Variants in KMO observed in about 807,000 individuals in gnomAD.
KMO encodes the protein kynurenine 3-hydroxylase.
KMO carries 24 observed loss-of-function variants against 57.8 expected under a neutral mutation model. That is an observed-to-expected ratio of 0.42 (90% CI 0.30 to 0.58). The LOEUF is 0.58. Among genes scored for constraint, KMO ranks in the 20% least tolerant of loss-of-function variants. The pLI, the probability that KMO is intolerant of heterozygous loss-of-function variation, is 0.22. For synonymous variants in KMO, 210 were observed against 193.6 expected, an observed-to-expected ratio of 1.08 and a Z score of -0.70; for missense variants, 483 against 588.2, an observed-to-expected ratio of 0.82 and a Z score of 1.85.
chr1:241,585,007 CTTGAGGT>C (rs1270696870), intron 10 of KMO, among the ~76,000 whole-genome samples: 1 of 151,984 alleles, frequency 6.6e-6, no homozygotes, highest in Admixed American at 6.6e-5. Flanking sequence ...AGGTGGATCA[CTTGAGGT>C]CAGGAGGTTG....
chr1:241,534,351 G>A (rs1660682320), intron 1 of KMO, among the ~76,000 whole-genome samples: 1 of 152,252 alleles, frequency 6.6e-6, no homozygotes, highest in Admixed American at 6.5e-5. Flanking sequence ...ATGGTTTTGG[G>A]GGGCATAAAA....
rs377567205 is a variant in KMO at position 241,562,701 on chromosome 1, A to G, written c.615+369A>G. ...TAAAAAATACAAAAATTAGCCAGGG[A>G]TGTGGCACACGCCTGTGGTCCCAGC... On this transcript the variant is annotated intron_variant, in intron 7 of 14. Coordinates refer to ENST00000366559, the MANE Select transcript of KMO (RefSeq NM_003679.5). 4.7e-4 allele frequency among the ~76,000 whole-genome samples: 71 copies of G among 152,138 alleles called. 1 individual carries two copies. In the South Asian group the frequency reaches 0.014, roughly 29 times the overall value.
chr1:241,551,185 C>T (rs575607324), intron 4 of KMO, 141 bp downstream of exon 4: 1 of 575,636 alleles, frequency 1.7e-6, no homozygotes, highest in Non-Finnish European at 3.1e-6. Flanking sequence ...AATACAGATA[C>T]TAGTTGGCAA....
At chr1:241,548,785 A>AT in intron 1 of KMO, 44 bp from the exon 2 acceptor site, 1 of 1,222,460 alleles carries the variant, frequency 8.2e-7, no homozygotes, top group South Asian at 1.2e-5. Context: ...AATTCCCTAT[A>AT]TTTGTGGAAT....
chr1:241,562,426 T>G, intron 7 of KMO, 94 bp downstream of exon 7: 1 of 1,271,574 alleles, frequency 7.9e-7, no homozygotes, highest in Non-Finnish European at 1.1e-6. Context: ...CAGCATGTCT[T>G]GATCCATTTT....
chr1:241,562,620 G>A (rs767432088), intron 7 of KMO, among the ~76,000 whole-genome samples: 2 of 152,080 alleles, frequency 1.3e-5, no homozygotes, highest in Non-Finnish European at 2.9e-5. Flanking sequence ...CAGGAGGATC[G>A]CTTGAACCCA....
intron 8 of KMO, among the ~76,000 whole-genome samples, chr1:241,566,164 C>T (rs1662068441): frequency 6.6e-6 from 1 of 152,126 alleles, no homozygotes; most frequent in Admixed American, 6.5e-5. Flanking sequence ...TGAGATTGCC[C>T]CACAGCACTC....
At chr1:241,588,905 T>G (rs1663133230) in intron 12 of KMO, 75 bp downstream of exon 12, 1 of 1,100,862 alleles carries the variant, frequency 9.1e-7, no homozygotes, top group Non-Finnish European at 1.4e-6. Context: ...TCTTTTTCTT[T>G]GCTTCAGCCC....
chr1:241,570,009 T>G (rs1662218366), intron 10 of KMO, among the ~76,000 whole-genome samples: 1 of 152,054 alleles, frequency 6.6e-6, no homozygotes, highest in Admixed American at 6.5e-5. Flanking sequence ...AATAATCAGG[T>G]ATTATCTTCT....
At chr1:241,552,788 C>T (rs905855295) in intron 4 of KMO, among the ~76,000 whole-genome samples, 1 of 151,764 alleles carries the variant, frequency 6.6e-6, no homozygotes, top group Non-Finnish European at 1.5e-5. Context: ...CCCTGGCCTC[C>T]CTCCTTCAGC....
chr1:241,560,575 G>A (rs1661798681), intron 5 of KMO, 90 bp from the exon 6 acceptor site: 5 of 930,606 alleles, frequency 5.4e-6, no homozygotes, highest in Non-Finnish European at 8.8e-6. Flanking sequence ...CTACCATACT[G>A]TTCCCAGAAA....
chr1:241,578,120 T>C (rs1662601335), intron 10 of KMO, among the ~76,000 whole-genome samples: 1 of 152,120 alleles, frequency 6.6e-6, no homozygotes, highest in South Asian at 2.1e-4. Flanking sequence ...CCTGAAGTGT[T>C]CCTGAATGGC....
At chr1:241,554,861 A>T (rs1339106000) in intron 4 of KMO, among the ~76,000 whole-genome samples, 1 of 151,584 alleles carries the variant, frequency 6.6e-6, no homozygotes, top group East Asian at 2.0e-4. Context: ...AGGCACCTGT[A>T]ATCCCAGCTA....
intron 5 of KMO, among the ~76,000 whole-genome samples, chr1:241,557,047 A>G (rs1346845901): frequency 1.3e-5 from 2 of 151,152 alleles, no homozygotes; most frequent in Non-Finnish European, 2.9e-5. Context: ...ATGTGGCTGG[A>G]GAGTAGAGTG....
chr1:241,534,902 C>T (rs536226285), intron 1 of KMO, among the ~76,000 whole-genome samples: 1 of 152,134 alleles, frequency 6.6e-6, no homozygotes, highest in Admixed American at 6.6e-5. Context: ...GCCTTTCTGG[C>T]TTCACCCCTT....
intron 7 of KMO, among the ~76,000 whole-genome samples, chr1:241,564,522 T>C (rs1662002039): frequency 6.6e-6 from 1 of 151,908 alleles, no homozygotes; most frequent in Non-Finnish European, 1.5e-5. Context: ...TTTTGTCCAG[T>C]ATAGATAAGT....
chr1:241,540,027 G>A (rs889076084), intron 1 of KMO, among the ~76,000 whole-genome samples: 2 of 152,128 alleles, frequency 1.3e-5, no homozygotes. Flanking sequence ...TTTTGACGTG[G>A]AAATGTATTT....
At chr1:241,553,170 TG>T (rs1375027398) in intron 4 of KMO, among the ~76,000 whole-genome samples, 2 of 152,228 alleles carry the variant, frequency 1.3e-5, no homozygotes, top group Non-Finnish European at 2.9e-5. Flanking sequence ...GCGCTTGACT[TG>T]TTTATTCTTA....
At position 241,594,786 on chromosome 1, in the gene KMO, G is replaced by T; in HGVS notation, c.*2633G>T. On this transcript the variant is annotated 3_prime_UTR_variant, in exon 15 of 15. Transcript: ENST00000366559. The stretch of plus-strand genomic sequence containing the variant: ...AAATCAGTTGAGCTGAATTTAAGTT[G>T]TTTTTTGTTTGTTAGCAGGTGTGGA... The T allele has an allele frequency of 6.9e-7, 1 of 1,456,552 alleles. No individual in the cohort carries two copies. The highest frequency in any genetic ancestry group is 1.4e-5 in the South Asian group (1 of 74,022). The allele number at this position is 1,456,552 out of a possible 1,614,324, so 90.2% of individuals were successfully genotyped here.
Sources: gnomAD v4.1 joint callset for allele counts (sites outside exome capture counted in the v4.1 genomes callset) on GRCh38, gnomAD v4.1.1 for gene constraint, MANE v1.5 for transcripts, NCBI Gene and HGNC (gene_info 2026-07-23, HGNC 2026-07-21) for gene names.